The following GALNT17 variants were observed in gnomAD, a reference collection of about 807,000 sequenced individuals.
GALNT17 encodes UDP-GalNAc:polypeptide N-acetylgalactosaminyltransferase-like 3.
A neutral mutation model predicts 63.7 loss-of-function variants in GALNT17; 29 were observed. That is an observed-to-expected ratio of 0.46 (90% confidence interval 0.34 to 0.62). The LOEUF (loss-of-function observed/expected upper bound fraction) is 0.62, where lower values mean the gene tolerates loss of function less well. Among genes scored for constraint, GALNT17 ranks in the 20% least tolerant of loss-of-function variants. The pLI, the probability that GALNT17 is intolerant of heterozygous loss-of-function variation, is 0.01. For missense variants in GALNT17, 603 were observed against 799.6 expected, an observed-to-expected ratio of 0.75 and a Z score of 2.97; for synonymous variants, 305 against 318.3, an observed-to-expected ratio of 0.96 and a Z score of 0.45.
At chr7:71,669,751 C>A (rs868230457) in intron 7 of GALNT17, among the ~76,000 whole-genome samples, 1 of 151,686 alleles carries the variant, frequency 6.6e-6, no homozygotes, top group African/African-American at 2.4e-5. Flanking sequence ...TTAGTAGAGA[C>A]GGGGTTTCGC....
At chr7:71,369,811 CAA>C (rs763387719) in intron 2 of GALNT17, among the ~76,000 whole-genome samples, 10,878 of 71,826 alleles carry the variant, frequency 0.15, 339 homozygotes, top group Middle Eastern at 0.25. Context: ...GGCTTTTTGT[CAA>C]AAAAAAAAAA....
intron 1 of GALNT17, among the ~76,000 whole-genome samples, chr7:71,166,407 A>G (rs969402478): frequency 6.6e-6 from 1 of 152,212 alleles, no homozygotes; most frequent in Non-Finnish European, 1.5e-5. Flanking sequence ...ATAAGCTTTG[A>G]CATATGCATG....
chr7:71,632,420 C>T (rs908006594), intron 6 of GALNT17, among the ~76,000 whole-genome samples: 3 of 152,150 alleles, frequency 2.0e-5, no homozygotes, highest in African/African-American at 7.2e-5. Context: ...CAGCCCTAGC[C>T]CTCAAAGAAA....
At chr7:71,573,468 C>A (rs1017268616) in intron 6 of GALNT17, among the ~76,000 whole-genome samples, 4 of 151,868 alleles carry the variant, frequency 2.6e-5, no homozygotes, top group Non-Finnish European at 5.9e-5. Flanking sequence ...GTAGCTGGGA[C>A]TACAGGCGCC....
chr7:71,415,246 T>C (rs959453408), intron 3 of GALNT17, among the ~76,000 whole-genome samples: 2 of 152,186 alleles, frequency 1.3e-5, no homozygotes, highest in Admixed American at 1.3e-4. Flanking sequence ...ATATGTGACC[T>C]TGGAACAGGT....
intron 4 of GALNT17, among the ~76,000 whole-genome samples, chr7:71,420,524 A>G (rs1021498690): frequency 1.3e-5 from 2 of 152,182 alleles, no homozygotes; most frequent in Non-Finnish European, 2.9e-5. Context: ...CTGGGGGGAA[A>G]CTGACGACAC....
intron 3 of GALNT17, among the ~76,000 whole-genome samples, chr7:71,413,194 A>G (rs1243960685): frequency 6.6e-6 from 1 of 152,196 alleles, no homozygotes; most frequent in African/African-American, 2.4e-5. Flanking sequence ...GTGAGAGCTC[A>G]CGTCCAGATC....
chr7:71,589,897 A>G (rs190238934), intron 6 of GALNT17, among the ~76,000 whole-genome samples: 188 of 152,320 alleles, frequency 1.2e-3, no homozygotes, highest in Middle Eastern at 6.8e-3. Flanking sequence ...CTGTGACAAT[A>G]TTGCAGATAC....
chr7:71,270,044 T>G (rs1477471345), intron 1 of GALNT17, among the ~76,000 whole-genome samples: 5 of 152,090 alleles, frequency 3.3e-5, no homozygotes, highest in Non-Finnish European at 7.3e-5. Context: ...TAAACCTACC[T>G]CCCTGCTGCC....
intron 2 of GALNT17, among the ~76,000 whole-genome samples, chr7:71,383,815 A>G (rs6971383): frequency 0.59 from 89,446 of 152,010 alleles, 26,874 homozygotes; most frequent in African/African-American, 0.63. Context: ...TGTGGATTAG[A>G]AAGGCTGACT....
At chr7:71,678,536 G>A (rs563698251) in intron 9 of GALNT17, among the ~76,000 whole-genome samples, 52 of 152,032 alleles carry the variant, frequency 3.4e-4, no homozygotes, top group Admixed American at 1.6e-3. Context: ...GGTGGCTCAC[G>A]CCTGTAATCC....
At chr7:71,422,163 G>A (rs1246366882) in intron 5 of GALNT17, among the ~76,000 whole-genome samples, 4 of 152,016 alleles carry the variant, frequency 2.6e-5, no homozygotes, top group African/African-American at 9.7e-5. Context: ...GGGTCAGGAG[G>A]TCTGGTCCTT....
intron 1 of GALNT17, among the ~76,000 whole-genome samples, chr7:71,141,445 C>T (rs933380416): frequency 6.6e-6 from 1 of 151,668 alleles, no homozygotes; most frequent in Non-Finnish European, 1.5e-5. Context: ...CCTCTGTGAC[C>T]TTGGGCAAGT....
At chr7:71,192,042 A>C (rs1441929234) in intron 1 of GALNT17, among the ~76,000 whole-genome samples, 1 of 152,194 alleles carries the variant, frequency 6.6e-6, no homozygotes, top group Non-Finnish European at 1.5e-5. Flanking sequence ...CCAAAGGCCC[A>C]AGAGCCCCTG....
chr7:71,474,308 T>G (rs935275515), intron 5 of GALNT17, among the ~76,000 whole-genome samples: 3 of 152,178 alleles, frequency 2.0e-5, no homozygotes, highest in Non-Finnish European at 2.9e-5. Flanking sequence ...CAGCAAAATT[T>G]TTTTTGACCT....
intron 6 of GALNT17, among the ~76,000 whole-genome samples, chr7:71,610,988 CAA>C (rs11447692): frequency 3.9e-5 from 5 of 127,032 alleles, no homozygotes; most frequent in African/African-American, 3.0e-5. Flanking sequence ...GACTCCATTT[CAA>C]AAAAAAAAAA....
intron 1 of GALNT17, among the ~76,000 whole-genome samples, chr7:71,205,277 C>T (rs1938336283): frequency 6.6e-6 from 1 of 151,464 alleles, no homozygotes; most frequent in Admixed American, 6.6e-5. Context: ...CCTCAGCCTC[C>T]TGAGTAGCTG....
At chr7:71,681,984 T>TGGCGCGATCTCGGGTCACTGCAAC (rs1247349711) in intron 9 of GALNT17, among the ~76,000 whole-genome samples, 2 of 152,108 alleles carry the variant, frequency 1.3e-5, no homozygotes, top group African/African-American at 2.4e-5. Context: ...TGGAGTGCAA[T>TGGCGCGATCTCGGGTCACTGCAAC]GGCGCGATCT....
chr7:71,583,755 A>ACAC (rs1554312282), intron 6 of GALNT17, among the ~76,000 whole-genome samples: 3,902 of 91,842 alleles, frequency 0.042, 105 homozygotes, highest in African/African-American at 0.1. Flanking sequence ...ACACACACAC[A>ACAC]CACACCACAC....
Sources: gnomAD v4.1 joint callset for allele counts (sites outside exome capture counted in the v4.1 genomes callset) on GRCh38, gnomAD v4.1.1 for gene constraint, MANE v1.5 for transcripts, NCBI Gene and HGNC (gene_info 2026-07-23, HGNC 2026-07-21) for gene names.